C8orf34: variants seen among roughly 807,000 people sequenced by gnomAD.
The protein encoded by C8orf34 is uncharacterized protein C8orf34.
Under a neutral mutation model 68.3 loss-of-function variants are expected in C8orf34, and 65 were observed. That is an observed-to-expected ratio of 0.95 (90% CI 0.78 to 1.17). The LOEUF is 1.17. Ranked by LOEUF, C8orf34 falls within the 50% of genes most tolerant of loss-of-function variation. The pLI is 0.00. For synonymous variants in C8orf34, 244 were observed against 241.2 expected (o/e 1.01, Z -0.11); for missense variants, 664 against 655.4 (o/e 1.01, Z -0.14).
chr8:68,714,955 C>A (rs923882145), intron 9 of C8orf34, among the ~76,000 whole-genome samples: 1 of 152,072 alleles, frequency 6.6e-6, no homozygotes, highest in Non-Finnish European at 1.5e-5. Flanking sequence ...GAATAGAGAA[C>A]CCAGAAATAA....
At chr8:68,783,109 A>G (rs1033878124) in intron 11 of C8orf34, among the ~76,000 whole-genome samples, 4 of 151,984 alleles carry the variant, frequency 2.6e-5, no homozygotes, top group African/African-American at 9.7e-5. Flanking sequence ...TCATTTTGAA[A>G]TTTGGTTTTG....
chr8:68,453,992 C>G (rs141048030), intron 3 of C8orf34, among the ~76,000 whole-genome samples: 3 of 151,866 alleles, frequency 2.0e-5, no homozygotes, highest in Non-Finnish European at 4.4e-5. Flanking sequence ...GGAAGTGTGT[C>G]GCATTTTTTT....
At chr8:68,578,607 G>A (rs998127324) in intron 7 of C8orf34, among the ~76,000 whole-genome samples, 25 of 150,586 alleles carry the variant, frequency 1.7e-4, no homozygotes, top group African/African-American at 5.5e-4. Flanking sequence ...AAAATATTTA[G>A]TGAAAGATAT....
chr8:68,541,570 G>T (rs114004452), intron 7 of C8orf34, among the ~76,000 whole-genome samples: 1 of 152,154 alleles, frequency 6.6e-6, no homozygotes, highest in East Asian at 1.9e-4. Context: ...TGTAAGTTTC[G>T]TGCATGTTAT....
intron 5 of C8orf34, among the ~76,000 whole-genome samples, chr8:68,492,435 C>T (rs1012110315): frequency 2.6e-5 from 4 of 151,838 alleles, no homozygotes; most frequent in Non-Finnish European, 5.9e-5. Context: ...TACTATGTTG[C>T]TCAAGCTTGT....
chr8:68,653,445 G>T (rs1339651322), intron 8 of C8orf34, among the ~76,000 whole-genome samples: 4 of 152,222 alleles, frequency 2.6e-5, no homozygotes, highest in Non-Finnish European at 5.9e-5. Context: ...CTAAAATCCT[G>T]AAAGGCTCCT....
intron 1 of C8orf34, among the ~76,000 whole-genome samples, chr8:68,369,799 T>TAA: frequency 6.6e-6 from 1 of 152,200 alleles, no homozygotes; most frequent in South Asian, 2.1e-4. Context: ...TCTGCACACT[T>TAA]GCCAGCCACT....
chr8:68,449,420 T>C (rs1811252193), intron 3 of C8orf34, among the ~76,000 whole-genome samples: 2 of 152,080 alleles, frequency 1.3e-5, no homozygotes, highest in African/African-American at 4.8e-5. Context: ...ATGTACCCAG[T>C]AAGTAGTGAC....
chr8:68,528,922 TC>T (rs2129779410), intron 6 of C8orf34, among the ~76,000 whole-genome samples: 1 of 152,272 alleles, frequency 6.6e-6, no homozygotes, highest in South Asian at 2.1e-4. Flanking sequence ...TTTCTGCTCT[TC>T]CCTATGGCTA....
chr8:68,451,199 C>A (rs887267906), intron 3 of C8orf34, among the ~76,000 whole-genome samples: 1 of 152,034 alleles, frequency 6.6e-6, no homozygotes, highest in African/African-American at 2.4e-5. Context: ...AGAGTTAGGA[C>A]CTTGCTTTGG....
chr8:68,774,944 TAAAAAA>T lies in C8orf34; in HGVS notation c.1405-1437_1405-1432del, dbSNP rs1224756627. Among the ~76,000 whole-genome samples the T allele has an allele frequency of 3.1e-4, 14 of 44,682 alleles. 1 individual carries two copies. The highest frequency in any genetic ancestry group is 1.1e-3 in the African/African-American group (9 of 8,014). The allele number at this position is 44,682 out of a possible 152,430, so 29.3% of individuals were successfully genotyped here. On this transcript the variant is annotated intron_variant, in intron 10 of 13. Coordinates refer to ENST00000518698, the MANE Select transcript of C8orf34 (RefSeq NM_052958.4). The stretch of plus-strand genomic sequence containing the variant: ...CAACATGATGAAACCCTGTCTCCAC[TAAAAAA>T]AAAAAAAAAAAAAAAAATTAGCTGG...
chr8:68,602,672 T>C (rs2130504241), intron 7 of C8orf34, among the ~76,000 whole-genome samples: 1 of 152,224 alleles, frequency 6.6e-6, no homozygotes, highest in African/African-American at 2.4e-5. Context: ...GAGTGGTGAC[T>C]AGCCTTGTCT....
chr8:68,345,248 C>T lies in C8orf34; in HGVS notation c.327+13909C>T, dbSNP rs148528686. Among the ~76,000 whole-genome samples the T allele has an allele frequency of 7.9e-3, 1,194 of 151,910 alleles. 19 individuals carry two copies. The highest frequency in any genetic ancestry group is 0.026 in the African/African-American group (1,099 of 41,512). On this transcript the variant is annotated intron_variant, in intron 1 of 13. Coordinates refer to ENST00000518698, the MANE Select transcript of C8orf34 (RefSeq NM_052958.4). ...GGAAAAATATTTACTAATAAAATAA[C>T]AATGAGACAATTGATATTGCATTGC...
intron 11 of C8orf34, among the ~76,000 whole-genome samples, chr8:68,786,492 G>C (rs1351573044): frequency 6.6e-6 from 1 of 152,144 alleles, no homozygotes; most frequent in Non-Finnish European, 1.5e-5. Context: ...GATTCTATTG[G>C]TATAATAGGC....
At chr8:68,742,616 G>A (rs1469164109) in intron 10 of C8orf34, among the ~76,000 whole-genome samples, 1 of 152,054 alleles carries the variant, frequency 6.6e-6, no homozygotes, top group Non-Finnish European at 1.5e-5. Flanking sequence ...TTTCCTGCAG[G>A]CTATGGACAT....
At chr8:68,752,989 A>G (rs1822751675) in intron 10 of C8orf34, among the ~76,000 whole-genome samples, 1 of 152,184 alleles carries the variant, frequency 6.6e-6, no homozygotes, top group Admixed American at 6.5e-5. Context: ...TGAGAATCGT[A>G]TGGTTCTAAT....
chr8:68,675,573 A>AAT (rs1453428946), intron 8 of C8orf34, among the ~76,000 whole-genome samples: 1 of 151,898 alleles, frequency 6.6e-6, no homozygotes, highest in African/African-American at 2.4e-5. Context: ...CTCAAATAAA[A>AAT]AAAAAACACA....
At chr8:68,614,305 T>G (rs1297600879) in intron 7 of C8orf34, among the ~76,000 whole-genome samples, 1 of 152,202 alleles carries the variant, frequency 6.6e-6, no homozygotes, top group African/African-American at 2.4e-5. Context: ...TAGATCGCAT[T>G]TGTCAATTTT....
At chr8:68,616,319 T>C (rs1397754453) in intron 7 of C8orf34, among the ~76,000 whole-genome samples, 3 of 152,222 alleles carry the variant, frequency 2.0e-5, no homozygotes, top group African/African-American at 4.8e-5. Flanking sequence ...TACTTATTTC[T>C]TGCCTTCTGC....
Sources: gnomAD v4.1 joint callset for allele counts (sites outside exome capture counted in the v4.1 genomes callset) on GRCh38, gnomAD v4.1.1 for gene constraint, MANE v1.5 for transcripts, NCBI Gene and HGNC (gene_info 2026-07-23, HGNC 2026-07-21) for gene names.